Variants in XIRP2 observed in about 807,000 individuals in gnomAD.
XIRP2 encodes the protein xin actin binding repeat containing 2.
In XIRP2, 236 loss-of-function variants were observed where a neutral mutation model predicts 277.0. The ratio of observed to expected loss-of-function variants is 0.85; its 90% confidence interval spans 0.77 to 0.95. XIRP2 has a LOEUF of 0.95. XIRP2 is among the 40% of genes least tolerant of loss of function. The pLI is 0.00. For missense variants in XIRP2, 4,640 were observed against 4,157.5 expected, an observed-to-expected ratio of 1.12 and a Z score of -3.19; for synonymous variants, 1,490 against 1,416.5, an observed-to-expected ratio of 1.05 and a Z score of -1.17.
At chr2:166,973,765 G>C (rs1451313676) in intron 2 of XIRP2, among the ~76,000 whole-genome samples, 1 of 152,098 alleles carries the variant, frequency 6.6e-6, no homozygotes, top group Non-Finnish European at 1.5e-5. Context: ...TGTCGTTAAA[G>C]AAGAACCTTA....
intron 2 of XIRP2, among the ~76,000 whole-genome samples, chr2:167,114,262 C>T (rs1690834266): frequency 6.6e-6 from 1 of 152,092 alleles, no homozygotes; most frequent in African/African-American, 2.4e-5. Flanking sequence ...TTCAGAGACG[C>T]CAATGCGTCA....
chr2:167,187,370 T>C, intron 3 of XIRP2: 2 of 985,392 alleles, frequency 2.0e-6, no homozygotes, highest in Non-Finnish European at 2.4e-6. Context: ...ATCTACTTGC[T>C]TGATAGACCC....
At chr2:167,140,748 A>G (rs749056975) in intron 3 of XIRP2, 14 of 152,206 alleles carry the variant, frequency 9.2e-5, no homozygotes, top group Admixed American at 3.9e-4. Flanking sequence ...TGGCCTTTGT[A>G]AAATAAAGAA....
intron 2 of XIRP2, among the ~76,000 whole-genome samples, chr2:166,938,375 G>T: frequency 6.6e-6 from 1 of 152,164 alleles, no homozygotes; most frequent in South Asian, 2.1e-4. Context: ...TCAGGAGCAG[G>T]TTGTTCAGTT....
At chr2:167,127,757 A>G (rs1691249880) in intron 2 of XIRP2, among the ~76,000 whole-genome samples, 1 of 152,224 alleles carries the variant, frequency 6.6e-6, no homozygotes, top group Admixed American at 6.5e-5. Context: ...CTGGCCCTTA[A>G]GAATGAAACT....
chr2:167,232,065 G>A (rs896748606), intron 5 of XIRP2, among the ~76,000 whole-genome samples: 2 of 151,864 alleles, frequency 1.3e-5, no homozygotes, highest in Admixed American at 1.3e-4. Context: ...TCCCTTTTCT[G>A]TTTAAATCAG....
intron 5 of XIRP2, among the ~76,000 whole-genome samples, chr2:167,232,878 A>G (rs1694800932): frequency 6.6e-6 from 1 of 151,906 alleles, no homozygotes; most frequent in Non-Finnish European, 1.5e-5. Flanking sequence ...TTACTTTTCT[A>G]AGGAGCTGAT....
intron 2 of XIRP2, among the ~76,000 whole-genome samples, chr2:167,059,845 C>G (rs895360470): frequency 1.3e-5 from 2 of 152,220 alleles, no homozygotes; most frequent in Admixed American, 6.5e-5. Flanking sequence ...CATCAGCAAG[C>G]ATGATGCTAG....
chr2:166,919,319 C>T (rs138649617), intron 2 of XIRP2, among the ~76,000 whole-genome samples: 14 of 151,740 alleles, frequency 9.2e-5, no homozygotes, highest in African/African-American at 3.4e-4. Context: ...TAATGTTTCT[C>T]ATCTACACCA....
chr2:167,024,603 C>A (rs1241918089), intron 2 of XIRP2, among the ~76,000 whole-genome samples: 2 of 152,038 alleles, frequency 1.3e-5, no homozygotes, highest in Non-Finnish European at 2.9e-5. Context: ...TCATAGATAG[C>A]TCTTATTATT....
intron 2 of XIRP2, among the ~76,000 whole-genome samples, chr2:166,921,112 C>T (rs1212988652): frequency 6.6e-6 from 1 of 151,974 alleles, no homozygotes; most frequent in Non-Finnish European, 1.5e-5. Context: ...GCTCAAGTTG[C>T]ACCACATGCA....
At chr2:167,253,115 C>T (rs1381864427) in intron 9 of XIRP2, among the ~76,000 whole-genome samples, 1 of 151,828 alleles carries the variant, frequency 6.6e-6, no homozygotes, top group South Asian at 2.1e-4. Context: ...TATAATGGAA[C>T]CTGAGCATAT....
chr2:167,071,176 C>T lies in XIRP2; in HGVS notation c.409-64733C>T, dbSNP rs529885686. Among the ~76,000 whole-genome samples the T allele has an allele frequency of 5.9e-5, 9 of 152,174 alleles. No homozygotes were observed. In the South Asian group the frequency reaches 1.9e-3, roughly 32 times the overall value. The stretch of plus-strand genomic sequence containing the variant: ...TAAAATTACTTCCTAGGGTAGGAGT[C>T]AGAGTCAAACTGAAATAATATAGTG... On this transcript the variant is annotated intron_variant, in intron 2 of 10. Transcript: ENST00000409195.
chr2:167,003,884 T>G (rs1355621525), intron 2 of XIRP2, among the ~76,000 whole-genome samples: 2 of 151,938 alleles, frequency 1.3e-5, no homozygotes, highest in Non-Finnish European at 2.9e-5. Flanking sequence ...AACATCTTTA[T>G]CCATCTGGAA....
At chr2:167,123,609 C>T (rs113139961) in intron 2 of XIRP2, among the ~76,000 whole-genome samples, 4,617 of 152,142 alleles carry the variant, frequency 0.03, 75 homozygotes, top group East Asian at 0.049. Flanking sequence ...GAAGCTATTC[C>T]AGGCCTCTCT....
At chr2:166,956,613 A>C (rs1299269561) in intron 2 of XIRP2, among the ~76,000 whole-genome samples, 1 of 151,876 alleles carries the variant, frequency 6.6e-6, no homozygotes, top group Non-Finnish European at 1.5e-5. Context: ...AAAAAAGTCC[A>C]GGGTTGCTAG....
intron 2 of XIRP2, among the ~76,000 whole-genome samples, chr2:167,029,888 T>A (rs1688288570): frequency 1.3e-5 from 2 of 152,132 alleles, no homozygotes; most frequent in African/African-American, 4.8e-5. Context: ...TCAGGACTTG[T>A]TATTCATCAG....
chr2:167,204,804 G>A (rs572159238), intron 3 of XIRP2, among the ~76,000 whole-genome samples: 23 of 151,610 alleles, frequency 1.5e-4, no homozygotes, highest in Admixed American at 4.6e-4. Flanking sequence ...TTATTTTCTC[G>A]CATAAATTTT....
At position 167,240,666 on chromosome 2, in the gene XIRP2, CT is replaced by C. The variant is rs1413294075; in HGVS notation, c.973del (p.Ser325LeufsTer10). On this transcript the variant is annotated frameshift_variant, in exon 7 of 11. Coordinates refer to ENST00000409195, the MANE Select transcript of XIRP2 (RefSeq NM_152381.6). LOFTEE classifies it high-confidence loss of function. ...KIDVHGTEMV[S>X]HLEKHTEEVN... ...TTTCAAATTCTCTTTAAATACAGGT[CT>C]CTCATCTTGAAAAGCACACCGAGGA... 6.2e-7 allele frequency: 1 copy of C among 1,613,136 alleles called. No homozygotes were observed. Among genetic ancestry groups the C allele is most frequent in the Non-Finnish European group, 8.5e-7 (1 of 1,179,474 alleles).
Sources: gnomAD v4.1 joint callset for allele counts (sites outside exome capture counted in the v4.1 genomes callset) on GRCh38, gnomAD v4.1.1 for gene constraint, MANE v1.5 for transcripts, NCBI Gene and HGNC (gene_info 2026-07-23, HGNC 2026-07-21) for gene names.